The following DYNC1LI1 variants were observed in gnomAD, a reference collection of about 807,000 sequenced individuals.
The protein encoded by DYNC1LI1 is dynein cytoplasmic 1 light intermediate chain 1, also known as cytoplasmic dynein 1 light intermediate chain 1.
Under a neutral mutation model 63.8 loss-of-function variants are expected in DYNC1LI1, and 19 were observed. The ratio of observed to expected loss-of-function variants is 0.30; its 90% confidence interval spans 0.21 to 0.44. DYNC1LI1 has a LOEUF of 0.44. Ranked by LOEUF, DYNC1LI1 falls within the 20% of genes least tolerant of loss-of-function variation. The pLI is 1.00. For synonymous variants in DYNC1LI1, 225 were observed against 232.3 expected (o/e 0.97, Z 0.28); for missense variants, 565 against 630.2 (o/e 0.90, Z 1.11).
rs1697722640 is a variant in DYNC1LI1 at position 32,532,980 on chromosome 3, G to A, written c.1080+6C>T. Reference sequence around the variant, plus strand: ...AAATATTGAGATTATTTACTAAAATGGTTACCTTTCGAACAGGTGGTTTAG... The same window carrying A: ...AAATATTGAGATTATTTACTAAAATAGTTACCTTTCGAACAGGTGGTTTAG... On this transcript the variant is annotated splice_donor_region_variant and intron_variant, in intron 8 of 12. Transcript: ENST00000273130. 6.4e-7 allele frequency: 1 copy of A among 1,564,092 alleles called. No homozygotes were observed. Among genetic ancestry groups the A allele is most frequent in the Non-Finnish European group, 8.6e-7 (1 of 1,164,344 alleles).
At chr3:32,529,434 G>T in intron 11 of DYNC1LI1, 106 bp downstream of exon 11, 1 of 1,065,668 alleles carries the variant, frequency 9.4e-7, no homozygotes. Flanking sequence ...AAGCCTAAAA[G>T]GTATTACACA....
intron 4 of DYNC1LI1, among the ~76,000 whole-genome samples, chr3:32,544,361 A>T (rs1052448402): frequency 6.6e-6 from 1 of 152,140 alleles, no homozygotes; most frequent in South Asian, 2.1e-4. Context: ...ATGAACACAC[A>T]CAGCTTTTTG....
Position 32,526,677 on chromosome 3 carries a change from A to ACACACG in DYNC1LI1, c.*121_*122insCGTGTG. On this transcript the variant is annotated 3_prime_UTR_variant, in exon 13 of 13. Coordinates refer to ENST00000273130, the MANE Select transcript of DYNC1LI1 (RefSeq NM_016141.4). ...ACCACACACACACACACACACACAC[A>ACACACG]CGACATAAATTTAGTCCATCTGAAG... 1.4e-6 allele frequency: 1 copy of ACACACG among 693,062 alleles called. No homozygotes were observed. The highest frequency in any genetic ancestry group is 2.5e-6 in the Non-Finnish European group (1 of 398,330). The allele number at this position is 693,062 out of a possible 1,614,324, so 42.9% of individuals were successfully genotyped here. A position where few individuals can be genotyped will look rare whatever the true frequency, so the allele number is the denominator to read the frequency against.
chr3:32,565,776 T>G (rs1365605018), intron 2 of DYNC1LI1, among the ~76,000 whole-genome samples: 5 of 152,058 alleles, frequency 3.3e-5, no homozygotes, highest in Non-Finnish European at 5.9e-5. Flanking sequence ...GTCTGGCTAA[T>G]TTTTGTATTT....
At chr3:32,533,877 C>CT (rs57075516) in intron 7 of DYNC1LI1, among the ~76,000 whole-genome samples, 66,470 of 130,444 alleles carry the variant, frequency 0.51, 17,080 homozygotes, top group Middle Eastern at 0.58. Context: ...AGGTAACTTT[C>CT]TTTTTTTTTT....
chr3:32,556,326 C>T (rs1698114678), intron 2 of DYNC1LI1, among the ~76,000 whole-genome samples: 1 of 152,176 alleles, frequency 6.6e-6, no homozygotes, highest in Admixed American at 6.6e-5. Flanking sequence ...TGCAGAGGGT[C>T]ATCTTAGACG....
chr3:32,544,578 G>T (rs1407414728), intron 4 of DYNC1LI1, among the ~76,000 whole-genome samples: 1 of 152,040 alleles, frequency 6.6e-6, no homozygotes, highest in East Asian at 1.9e-4. Context: ...GACCAGCCTG[G>T]CCAATATGGT....
chr3:32,548,489 C>T (rs867376812), intron 2 of DYNC1LI1, among the ~76,000 whole-genome samples: 1 of 152,164 alleles, frequency 6.6e-6, no homozygotes, highest in African/African-American at 2.4e-5. Flanking sequence ...AGCCAGGCAC[C>T]GAAAAGCAAA....
intron 2 of DYNC1LI1, among the ~76,000 whole-genome samples, chr3:32,564,230 CTT>C (rs1008704666): frequency 2.0e-5 from 3 of 152,188 alleles, no homozygotes; most frequent in Non-Finnish European, 4.4e-5. Flanking sequence ...AGGAAGATCT[CTT>C]GAGCCCAGGA....
chr3:32,556,663 G>C (rs1698118512), intron 2 of DYNC1LI1, among the ~76,000 whole-genome samples: 1 of 152,052 alleles, frequency 6.6e-6, no homozygotes, highest in Non-Finnish European at 1.5e-5. Context: ...CTCCACCTCA[G>C]CTTAAGTAAT....
rs1223712218 is a variant in DYNC1LI1 at position 32,538,024 on chromosome 3, T to TTA, written c.739-922_739-921dup. Among the ~76,000 whole-genome samples the TTA allele has an allele frequency of 2.3e-3, 30 of 13,008 alleles. 1 individual carries two copies. The highest frequency in any genetic ancestry group is 2.8e-3 in the Non-Finnish European group (26 of 9,226). The allele number at this position is 13,008 out of a possible 152,430, so 8.5% of individuals were successfully genotyped here. On this transcript the variant is annotated intron_variant, in intron 5 of 12. Coordinates refer to ENST00000273130, the MANE Select transcript of DYNC1LI1 (RefSeq NM_016141.4). ...TATATATATAATATATATATATAAT[T>TTA]TATATATATAATATATATATATAAT... is the stretch of plus-strand genomic sequence containing the variant.
At chr3:32,552,509 A>AT (rs566406238) in intron 2 of DYNC1LI1, among the ~76,000 whole-genome samples, 8 of 150,916 alleles carry the variant, frequency 5.3e-5, no homozygotes, top group Non-Finnish European at 1.0e-4. Context: ...AACATTCTTT[A>AT]TTTTTTTTTC....
chr3:32,559,486 AC>A (rs1698160865), intron 2 of DYNC1LI1, among the ~76,000 whole-genome samples: 1 of 151,994 alleles, frequency 6.6e-6, no homozygotes, highest in Non-Finnish European at 1.5e-5. Flanking sequence ...CGATCTGCCC[AC>A]CCTGGCCTCC....
At position 32,570,792 on chromosome 3, in the gene DYNC1LI1, T is replaced by C; in HGVS notation, c.-22A>G. 6.3e-7 allele frequency: 1 copy of C among 1,588,390 alleles called. No homozygotes were observed. The highest frequency in any genetic ancestry group is 8.6e-7 in the Non-Finnish European group (1 of 1,166,350). ...CCATCTTGGTCGGGAATCACACCAC[T>C]CCCGGCAAGACTAAATGTGCGAGGC... On this transcript the variant is annotated 5_prime_UTR_variant, in exon 1 of 13. Coordinates refer to ENST00000273130, the MANE Select transcript of DYNC1LI1 (RefSeq NM_016141.4).
Position 32,537,921 on chromosome 3 carries a change from T to C in DYNC1LI1, c.739-817A>G, listed in dbSNP as rs548430106. Reference sequence around the variant, plus strand: ...ATATAATATATATATATAATTTATATATATAATATATATATAATATATATA... The same window carrying C: ...ATATAATATATATATATAATTTATACATATAATATATATATAATATATATA... On this transcript the variant is annotated intron_variant, in intron 5 of 12. Coordinates refer to ENST00000273130, the MANE Select transcript of DYNC1LI1 (RefSeq NM_016141.4). Among the ~76,000 whole-genome samples, 15 of 26,728 alleles carry C rather than the reference T, an allele frequency of 5.6e-4. 2 individuals carry two copies. The highest frequency in any genetic ancestry group is 8.7e-4 in the Non-Finnish European group (14 of 16,018). 17.5% of individuals were successfully genotyped at this position (26,728 alleles called of 152,430 possible).
intron 8 of DYNC1LI1, chr3:32,532,245 C>T (rs1450008585): frequency 6.6e-6 from 1 of 151,896 alleles, no homozygotes; most frequent in Middle Eastern, 3.1e-3. Flanking sequence ...GTGAGCGGAT[C>T]ATTTGAGGTC....
In DYNC1LI1 at chr3:32,530,308, T is replaced by C; in HGVS notation, c.1161A>G (p.Pro387=). The change falls in exon 10 of 13, where the codon CCA becomes CCG. Residue 387 remains proline (P), a synonymous_variant. Transcript: ENST00000273130. ...CCACAGGCCTTCCAGCTGCAGTTGGTGGTTGCTTTGCTAAAAGGGACTGAA... is the reference window on the plus strand; with the variant it reads ...CCACAGGCCTTCCAGCTGCAGTTGGCGGTTGCTTTGCTAAAAGGGACTGAA... The part of the protein sequence containing the change: ...MKLQSLLAKQ[P]PTAAGRPVDA... 6.2e-7 allele frequency: 1 copy of C among 1,604,224 alleles called. No individual in the cohort carries two copies. Among genetic ancestry groups the C allele is most frequent in the East Asian group, 2.2e-5 (1 of 44,708 alleles).
chr3:32,567,443 G>C (rs538910527), intron 2 of DYNC1LI1, among the ~76,000 whole-genome samples: 1 of 152,118 alleles, frequency 6.6e-6, no homozygotes, highest in Non-Finnish European at 1.5e-5. Flanking sequence ...TGTGAGGGGA[G>C]TACTTAGGGC....
chr3:32,529,788 T>A, intron 10 of DYNC1LI1, 128 bp from the exon 11 acceptor site: 1 of 729,262 alleles, frequency 1.4e-6, no homozygotes, highest in Non-Finnish European at 2.1e-6. Context: ...CTGCAAGCCA[T>A]TGACAAAATT....
Sources: gnomAD v4.1 joint callset for allele counts (sites outside exome capture counted in the v4.1 genomes callset) on GRCh38, gnomAD v4.1.1 for gene constraint, MANE v1.5 for transcripts, NCBI Gene and HGNC (gene_info 2026-07-23, HGNC 2026-07-21) for gene names.